The following RBFOX1 variants were observed in gnomAD, a reference collection of about 807,000 sequenced individuals.
The protein encoded by RBFOX1 is RNA binding protein fox-1 homolog 1.
A neutral mutation model predicts 57.7 loss-of-function variants in RBFOX1; 8 were observed. That is an observed-to-expected ratio of 0.14 (90% CI 0.08 to 0.25). RBFOX1 has a LOEUF of 0.25. Ranked by LOEUF, RBFOX1 falls within the 10% of genes least tolerant of loss-of-function variation. The probability of loss-of-function intolerance (pLI) is 1.00; values close to 1 mark genes in which losing one functional copy is unlikely to be tolerated. For missense variants in RBFOX1, 611 were observed against 548.5 expected (o/e 1.11, Z -1.14); for synonymous variants, 326 against 222.4 (o/e 1.47, Z -4.15).
At chr16:6,504,987 C>G (rs151096892) in intron 2 of RBFOX1, among the ~76,000 whole-genome samples, 68 of 152,138 alleles carry the variant, frequency 4.5e-4, no homozygotes, top group African/African-American at 1.5e-3. Flanking sequence ...GCAAGAGAAT[C>G]GCTTGAACCC....
intron 4 of RBFOX1, among the ~76,000 whole-genome samples, chr16:5,890,246 G>A (rs568677143): frequency 2.8e-4 from 43 of 152,250 alleles, no homozygotes; most frequent in Non-Finnish European, 4.3e-4. Context: ...AATTATAACA[G>A]GCATTAGTAA....
chr16:7,578,176 C>T (rs550977588), intron 5 of RBFOX1, among the ~76,000 whole-genome samples: 1 of 152,278 alleles, frequency 6.6e-6, no homozygotes, highest in South Asian at 2.1e-4. Context: ...TGAATACATA[C>T]CAGGAACTTG....
intron 3 of RBFOX1, among the ~76,000 whole-genome samples, chr16:6,679,235 G>A (rs993281690): frequency 3.9e-5 from 6 of 151,990 alleles, no homozygotes; most frequent in Non-Finnish European, 7.4e-5. Flanking sequence ...ACATGAAATC[G>A]CGTTTTAAAG....
intron 3 of RBFOX1, among the ~76,000 whole-genome samples, chr16:7,018,748 CCTG>C (rs1459755340): frequency 6.6e-6 from 1 of 151,486 alleles, no homozygotes; most frequent in Non-Finnish European, 1.5e-5. Flanking sequence ...ATGTAACAAA[CCTG>C]CACGTTGTGC....
chr16:6,904,267 C>G (rs1006142598), intron 3 of RBFOX1, among the ~76,000 whole-genome samples: 1 of 152,074 alleles, frequency 6.6e-6, no homozygotes, highest in Non-Finnish European at 1.5e-5. Flanking sequence ...TGTTGTTGAA[C>G]CTGTTCTCTG....
At chr16:6,756,021 G>T (rs959465362) in intron 3 of RBFOX1, among the ~76,000 whole-genome samples, 1 of 152,136 alleles carries the variant, frequency 6.6e-6, no homozygotes, top group Admixed American at 6.5e-5. Flanking sequence ...CATCAGCCCC[G>T]TTTGGATGAC....
intron 2 of RBFOX1, among the ~76,000 whole-genome samples, chr16:6,398,818 A>T (rs2092946825): frequency 6.6e-6 from 1 of 152,140 alleles, no homozygotes; most frequent in Non-Finnish European, 1.5e-5. Flanking sequence ...CCATGCTACC[A>T]TTCTGGGATC....
At chr16:5,920,846 A>G (rs964164021) in intron 4 of RBFOX1, among the ~76,000 whole-genome samples, 1 of 152,198 alleles carries the variant, frequency 6.6e-6, no homozygotes, top group South Asian at 2.1e-4. Context: ...AAATAAGTAC[A>G]TTATCACAAG....
intron 4 of RBFOX1, among the ~76,000 whole-genome samples, chr16:7,424,608 G>A (rs929440364): frequency 2.6e-5 from 4 of 152,132 alleles, no homozygotes; most frequent in African/African-American, 9.7e-5. Context: ...GTAAGGACTT[G>A]ATGTTTACAT....
intron 3 of RBFOX1, among the ~76,000 whole-genome samples, chr16:6,839,519 A>G (rs72768805): frequency 0.068 from 10,287 of 152,230 alleles, 515 homozygotes; most frequent in Non-Finnish European, 0.11. Context: ...GCCAAGTGAA[A>G]TTTTAATCAG....
intron 2 of RBFOX1, among the ~76,000 whole-genome samples, chr16:6,626,348 G>C (rs902387566): frequency 1.3e-5 from 2 of 152,144 alleles, no homozygotes; most frequent in African/African-American, 2.4e-5. Flanking sequence ...GTGTGGAGGA[G>C]TGGGTGTTGC....
At chr16:6,490,700 T>C (rs1190227872) in intron 2 of RBFOX1, among the ~76,000 whole-genome samples, 3 of 152,124 alleles carry the variant, frequency 2.0e-5, no homozygotes, top group Non-Finnish European at 4.4e-5. Context: ...CATGGAGCAA[T>C]ATTAAAGTCT....
intron 2 of RBFOX1, among the ~76,000 whole-genome samples, chr16:6,610,102 C>T (rs149569258): frequency 6.6e-5 from 10 of 152,088 alleles, no homozygotes; most frequent in East Asian, 1.9e-4. Flanking sequence ...AAAATAAGAA[C>T]GGAGGTAGAT....
chr16:5,570,189 T>TC (rs2046231487), intron 2 of RBFOX1, among the ~76,000 whole-genome samples: 1 of 152,164 alleles, frequency 6.6e-6, no homozygotes. Flanking sequence ...CTCTTTTTTT[T>TC]CCTCTTCTAA....
At chr16:7,438,285 G>A (rs2098738553) in intron 4 of RBFOX1, among the ~76,000 whole-genome samples, 2 of 152,118 alleles carry the variant, frequency 1.3e-5, no homozygotes, top group Admixed American at 1.3e-4. Flanking sequence ...TGCCAGGGAT[G>A]GGGATGGAGA....
At chr16:7,314,835 C>G (rs111296727) in intron 4 of RBFOX1, among the ~76,000 whole-genome samples, 3,247 of 152,100 alleles carry the variant, frequency 0.021, 63 homozygotes, top group African/African-American at 0.051. Flanking sequence ...GGTTTTTGAG[C>G]CTTTTAAAAA....
chr16:5,886,823 G>T (rs918288868), intron 4 of RBFOX1, among the ~76,000 whole-genome samples: 1 of 152,242 alleles, frequency 6.6e-6, no homozygotes, highest in African/African-American at 2.4e-5. Flanking sequence ...GGGAGGTGGA[G>T]GTTGCAGTGA....
chr16:7,001,346 G>A (rs886909152), intron 3 of RBFOX1, among the ~76,000 whole-genome samples: 1 of 150,444 alleles, frequency 6.6e-6, no homozygotes, highest in Non-Finnish European at 1.5e-5. Context: ...CCCTGACTCT[G>A]TGTGTGTGTG....
chr16:6,250,045 G>C (rs1349251820), intron 1 of RBFOX1, among the ~76,000 whole-genome samples: 1 of 152,084 alleles, frequency 6.6e-6, no homozygotes, highest in Non-Finnish European at 1.5e-5. Flanking sequence ...AGCAGGAGGT[G>C]ATGTTAAGTT....
Sources: allele counts gnomAD v4.1 joint callset (sites outside exome capture counted in the v4.1 genomes callset), GRCh38; gene constraint gnomAD v4.1.1; transcripts MANE v1.5; gene names NCBI Gene and HGNC (gene_info 2026-07-23, HGNC 2026-07-21).